IQSEC1: variants seen among roughly 807,000 people sequenced by gnomAD.
IQSEC1 encodes IQ motif and SEC7 domain-containing protein 1.
A neutral mutation model predicts 91.0 loss-of-function variants in IQSEC1; 31 were observed. The observed-to-expected ratio is 0.34, with a 90% CI of 0.26 to 0.46. The LOEUF (loss-of-function observed/expected upper bound fraction) is 0.46. Among genes scored for constraint, IQSEC1 ranks in the 20% least tolerant of loss-of-function variants. The probability of loss-of-function intolerance (pLI) is 1.00; values close to 1 mark genes in which losing one functional copy is unlikely to be tolerated. For synonymous variants in IQSEC1, 699 were observed against 662.6 expected, an observed-to-expected ratio of 1.05 and a Z score of -0.84; for missense variants, 1,388 against 1,575.6, an observed-to-expected ratio of 0.88 and a Z score of 2.02.
chr3:13,092,839 C>G (rs986494758), intron 2 of IQSEC1, among the ~76,000 whole-genome samples: 1 of 152,214 alleles, frequency 6.6e-6, no homozygotes, highest in African/African-American at 2.4e-5. Flanking sequence ...TCCAGGCACG[C>G]TGGCCAACTT....
intron 1 of IQSEC1, among the ~76,000 whole-genome samples, chr3:13,200,390 C>T (rs1694222475): frequency 6.6e-6 from 1 of 152,194 alleles, no homozygotes; most frequent in Admixed American, 6.5e-5. Context: ...CCCTCACTGA[C>T]TTCGACTTGA....
intron 8 of IQSEC1, 149 bp from the exon 9 acceptor site, chr3:12,913,702 G>T: frequency 1.6e-6 from 1 of 644,114 alleles, no homozygotes; most frequent in Non-Finnish European, 2.5e-6. Context: ...ACATTGAAGA[G>T]CAGATACGTC....
chr3:13,278,181 C>T lies in IQSEC1; in HGVS notation c.272+4530G>A, dbSNP rs191601750. 3.9e-5 allele frequency among the ~76,000 whole-genome samples: 6 copies of T among 152,314 alleles called. No homozygotes were observed. The East Asian group carries it at 1.2e-3, about 29-fold the overall frequency. ...CAGAGCTTCAGAAAAACGTCCTCTC[C>T]CAGTGATATGACAGCACTTAAGGGC... On this transcript the variant is annotated intron_variant, in intron 1 of 15. Coordinates refer to the IQSEC1 transcript ENST00000648114.
chr3:13,211,280 T>C lies in IQSEC1; in HGVS notation c.273-47147A>G, dbSNP rs539825570. 1.3e-5 allele frequency among the ~76,000 whole-genome samples: 2 copies of C among 152,320 alleles called. No individual in the cohort carries two copies. The highest frequency in any genetic ancestry group is 4.8e-5 in the African/African-American group (2 of 41,570). On this transcript the variant is annotated intron_variant, in intron 1 of 15. Coordinates refer to the IQSEC1 transcript ENST00000648114. This position sits in a 1 kb window ranked among gnomAD's most constrained non-coding sequence, Gnocchi z 5.3. ...ACCACCTCCTCGACAGCAATGAACA[T>C]GAAAGGCCTTCTTGGCAGCGAGCTC...
At chr3:13,036,773 C>T (rs1012906919) in intron 1 of IQSEC1, among the ~76,000 whole-genome samples, 12 of 152,242 alleles carry the variant, frequency 7.9e-5, no homozygotes, top group Non-Finnish European at 1.2e-4. Flanking sequence ...TTCCTTGATG[C>T]TGTGTTTTAG....
intron 1 of IQSEC1, among the ~76,000 whole-genome samples, chr3:13,169,469 C>T (rs1416318387): frequency 2.0e-5 from 3 of 152,096 alleles, no homozygotes; most frequent in Admixed American, 6.6e-5. Context: ...GCTGTAGACA[C>T]CAAAAATGTG....
chr3:13,145,837 T>A (rs867803931), intron 2 of IQSEC1, among the ~76,000 whole-genome samples: 17 of 122,254 alleles, frequency 1.4e-4, no homozygotes, highest in Middle Eastern at 4.7e-3. Context: ...TGGGAACAAG[T>A]TGTGGGGGAA....
rs553372049 is a variant in IQSEC1, at chr3:13,175,361, C to T, written c.273-11228G>A. ...CCCAATTAGCTATGATGAGTGACAT[C>T]ATTCCCTGCTATGGGCCCAAGTTTC... On this transcript the variant is annotated intron_variant, in intron 1 of 15. Transcript: ENST00000648114. Among the ~76,000 whole-genome samples, 4 of 152,344 alleles carry T rather than the reference C, an allele frequency of 2.6e-5. No individual in the cohort carries two copies. The East Asian group carries it at 7.7e-4, about 29-fold the overall frequency.
At chr3:13,270,961 G>C (rs1344383964) in intron 1 of IQSEC1, among the ~76,000 whole-genome samples, 1 of 152,130 alleles carries the variant, frequency 6.6e-6, no homozygotes, top group Non-Finnish European at 1.5e-5. Context: ...TATACAAATG[G>C]TAACCAAAAT....
chr3:13,090,228 A>AC (rs1294148752), intron 2 of IQSEC1, among the ~76,000 whole-genome samples: 3 of 151,994 alleles, frequency 2.0e-5, no homozygotes, highest in African/African-American at 7.2e-5. Flanking sequence ...AAAAAAAATA[A>AC]AACAACAAAA....
At chr3:13,005,645 G>C (rs1230271930) in intron 1 of IQSEC1, among the ~76,000 whole-genome samples, 1 of 152,198 alleles carries the variant, frequency 6.6e-6, no homozygotes, top group Non-Finnish European at 1.5e-5. Flanking sequence ...CTGGGGTGAT[G>C]GAGACTGAGT....
intron 1 of IQSEC1, among the ~76,000 whole-genome samples, chr3:13,019,763 A>C (rs1344782308): frequency 1.3e-5 from 2 of 152,022 alleles, no homozygotes; most frequent in Admixed American, 6.5e-5. Flanking sequence ...CACCCACCCC[A>C]CCACTCTCCT....
At chr3:13,266,890 GGCTATGAAGT>G in intron 1 of IQSEC1, among the ~76,000 whole-genome samples, 1 of 152,290 alleles carries the variant, frequency 6.6e-6, no homozygotes, top group African/African-American at 2.4e-5. Context: ...TCCCCCACCA[GGCTATGAAGT>G]GGACGGCAGG....
Position 12,951,979 on chromosome 3 carries a change from G to A in IQSEC1, c.24-10114C>T, listed in dbSNP as rs1390080164. ...GCCCTCACATGGAAAGATTTAGAGC[G>A]AGAGTCTGCAGGAAGCACTGGCACA... On this transcript the variant is annotated intron_variant, in intron 1 of 13. Coordinates refer to ENST00000613206, the MANE Select transcript of IQSEC1 (RefSeq NM_001134382.3). Among the ~76,000 whole-genome samples the A allele has an allele frequency of 3.9e-5, 6 of 152,266 alleles. No individual in the cohort carries two copies. In the East Asian group the frequency reaches 9.7e-4, roughly 25 times the overall value.
At chr3:13,088,721 C>G (rs138988102) in intron 2 of IQSEC1, among the ~76,000 whole-genome samples, 1 of 152,236 alleles carries the variant, frequency 6.6e-6, no homozygotes, top group East Asian at 1.9e-4. Context: ...CTTATTTATC[C>G]TCCTCCTAAC....
rs1160261591 is a variant in IQSEC1, at chr3:13,016,126, C to T, written c.23+56866G>A. Among the ~76,000 whole-genome samples the T allele has an allele frequency of 2.6e-5, 4 of 152,340 alleles. No homozygotes were observed. In the East Asian group the frequency reaches 5.8e-4, roughly 22 times the overall value. ...GGTGCCAGGGTAGGGTGGCCAGTCT[C>T]GTCTCCCCATGGCCAGGCAGGGCCC... On this transcript the variant is annotated intron_variant, in intron 1 of 13. Coordinates refer to ENST00000613206, the MANE Select transcript of IQSEC1 (RefSeq NM_001134382.3).
intron 2 of IQSEC1, among the ~76,000 whole-genome samples, chr3:12,939,414 G>A (rs1698544941): frequency 6.6e-6 from 1 of 152,246 alleles, no homozygotes; most frequent in Non-Finnish European, 1.5e-5. Context: ...GAAAGCCACT[G>A]GAGGGCACAG....
At chr3:13,221,576 A>G (rs1304719405) in intron 1 of IQSEC1, among the ~76,000 whole-genome samples, 2 of 151,080 alleles carry the variant, frequency 1.3e-5, no homozygotes, top group South Asian at 2.1e-4. Context: ...GGCCCTCCCA[A>G]GGCAAACCCA....
intron 6 of IQSEC1, among the ~76,000 whole-genome samples, chr3:12,919,450 C>T (rs1236685402): frequency 3.3e-5 from 5 of 152,154 alleles, no homozygotes; most frequent in Admixed American, 6.5e-5. Context: ...CCTGCCACAG[C>T]GGCACCCGCC....
Sources: allele counts gnomAD v4.1 joint callset (sites outside exome capture counted in the v4.1 genomes callset), GRCh38; gene constraint gnomAD v4.1.1; non-coding constraint Gnocchi (gnomAD v3.1); transcripts MANE v1.5; gene names NCBI Gene and HGNC (gene_info 2026-07-23, HGNC 2026-07-21).